The following PYHIN1 variants were observed in gnomAD, a reference collection of about 807,000 sequenced individuals.
PYHIN1 encodes pyrin and HIN domain-containing protein 1.
A neutral mutation model predicts 43.7 loss-of-function variants in PYHIN1; 32 were observed. The observed-to-expected ratio is 0.73, with a 90% CI of 0.55 to 0.98. The LOEUF (loss-of-function observed/expected upper bound fraction) is 0.98. Among genes scored for constraint, PYHIN1 ranks in the 50% least tolerant of loss-of-function variants. The pLI is 0.00. For missense variants in PYHIN1, 588 were observed against 589.5 expected (o/e 1.00, Z 0.03); for synonymous variants, 205 against 203.1 (o/e 1.01, Z -0.08).
At chr1:158,980,025 C>G (rs1230811977), downstream of PYHIN1, among the ~76,000 whole-genome samples, 2 of 152,072 alleles carry the variant, frequency 1.3e-5, no homozygotes, top group African/African-American at 4.8e-5. Flanking sequence ...TCAGATAATG[C>G]CTTGCAGCTG....
intron 7 of PYHIN1, among the ~76,000 whole-genome samples, chr1:158,969,965 A>G (rs1161305756): frequency 6.6e-6 from 1 of 151,954 alleles, no homozygotes; most frequent in Non-Finnish European, 1.5e-5. Flanking sequence ...TTGTCTCACC[A>G]CTCAATCTAT....
chr1:158,936,812 A>C (rs1648570633), intron 1 of PYHIN1, 79 bp from the exon 2 acceptor site: 1 of 915,688 alleles, frequency 1.1e-6, no homozygotes. Context: ...CTTATGGGCC[A>C]CTTATTCACA....
chr1:158,974,711 T>C (rs1411069147), intron 8 of PYHIN1, among the ~76,000 whole-genome samples: 1 of 152,062 alleles, frequency 6.6e-6, no homozygotes, highest in Non-Finnish European at 1.5e-5. Flanking sequence ...GGTTTGTTTA[T>C]GTTTTTGTTG....
chr1:158,950,208 A>G (rs1234835463), intron 7 of PYHIN1, among the ~76,000 whole-genome samples: 1 of 152,206 alleles, frequency 6.6e-6, no homozygotes, highest in East Asian at 1.9e-4. Flanking sequence ...ACAAAGCGAG[A>G]GCATAAAAAA....
At chr1:158,966,204 T>A (rs1264707148) in intron 7 of PYHIN1, among the ~76,000 whole-genome samples, 1 of 152,062 alleles carries the variant, frequency 6.6e-6, no homozygotes, top group African/African-American at 2.4e-5. Context: ...AATAGACCAA[T>A]AACAAGTTCT....
At position 158,976,739 on chromosome 1, in the gene PYHIN1, T is replaced by C; in HGVS notation, c.*44T>C. On this transcript the variant is annotated 3_prime_UTR_variant, in exon 9 of 9. Coordinates refer to ENST00000368140, the MANE Select transcript of PYHIN1 (RefSeq NM_152501.5). ...AGGATATCAAATAACTACTGTTCAA[T>C]CTTTACTCAAGTGTGGAAATTTTGC... 4 of 1,602,490 alleles carry C rather than the reference T, an allele frequency of 2.5e-6. No homozygotes were observed. Among genetic ancestry groups the C allele is most frequent in the South Asian group, 1.1e-5 (1 of 88,642 alleles).
At chr1:158,937,971 A>C (rs1214321778) in intron 2 of PYHIN1, among the ~76,000 whole-genome samples, 1 of 151,938 alleles carries the variant, frequency 6.6e-6, no homozygotes, top group Non-Finnish European at 1.5e-5. Context: ...AAAAAAAGTC[A>C]AAACTCACCA....
chr1:158,957,387 G>T (rs935496665), intron 7 of PYHIN1, among the ~76,000 whole-genome samples: 1 of 152,138 alleles, frequency 6.6e-6, no homozygotes, highest in African/African-American at 2.4e-5. Flanking sequence ...AAACAACATG[G>T]TACTGTTACC....
At chr1:158,935,213 G>A (rs907036755) in intron 1 of PYHIN1, among the ~76,000 whole-genome samples, 4 of 150,252 alleles carry the variant, frequency 2.7e-5, no homozygotes, top group African/African-American at 9.8e-5. Flanking sequence ...GCAATGAGAA[G>A]AGAATTAGCA....
At chr1:158,982,670 T>C in the PYHIN1 span, among the ~76,000 whole-genome samples, 488 of 152,336 alleles carry the variant, frequency 3.2e-3, 3 homozygotes, top group South Asian at 0.033. Flanking sequence ...TTTCTAATTC[T>C]GTGAAAAATG....
intron 2 of PYHIN1, among the ~76,000 whole-genome samples, 180 bp from the exon 3 acceptor site, chr1:158,938,217 G>T (rs1648680495): frequency 1.3e-5 from 2 of 152,210 alleles, no homozygotes; most frequent in African/African-American, 4.8e-5. Context: ...GTGAGTCAGT[G>T]TTTGTGCCTT....
At chr1:158,971,885 T>A (rs1175718488) in intron 7 of PYHIN1, among the ~76,000 whole-genome samples, 1 of 151,902 alleles carries the variant, frequency 6.6e-6, no homozygotes, top group Non-Finnish European at 1.5e-5. Context: ...CATTTGTGAA[T>A]GTGCAGGTGA....
chr1:158,937,581 T>C (rs1032874637), intron 2 of PYHIN1, among the ~76,000 whole-genome samples: 1 of 152,202 alleles, frequency 6.6e-6, no homozygotes, highest in Non-Finnish European at 1.5e-5. Flanking sequence ...AAGATAACAA[T>C]ACTTAAATGT....
At chr1:158,980,444 G>A (rs935027723), downstream of PYHIN1, among the ~76,000 whole-genome samples, 1 of 152,124 alleles carries the variant, frequency 6.6e-6, no homozygotes, top group East Asian at 1.9e-4. Context: ...ATAAATGGAT[G>A]TGCAAGTAGG....
chr1:158,951,812 T>C (rs1649545890), intron 7 of PYHIN1, among the ~76,000 whole-genome samples: 1 of 152,238 alleles, frequency 6.6e-6, no homozygotes, highest in Admixed American at 6.5e-5. Context: ...AACTAACTCA[T>C]GGGCCTTTTG....
chr1:158,966,602 C>A (rs1203996830), intron 7 of PYHIN1, among the ~76,000 whole-genome samples: 1 of 151,764 alleles, frequency 6.6e-6, no homozygotes, highest in Non-Finnish European at 1.5e-5. Context: ...ATAAACAGAA[C>A]CAAAAAGCTA....
chr1:158,948,502 C>G (rs1160275674), intron 7 of PYHIN1, among the ~76,000 whole-genome samples: 3 of 152,136 alleles, frequency 2.0e-5, no homozygotes, highest in African/African-American at 7.2e-5. Context: ...AATGCCAGTG[C>G]GTCTTGTTGC....
the PYHIN1 span, among the ~76,000 whole-genome samples, chr1:158,988,698 C>T: frequency 1.3e-5 from 2 of 152,028 alleles, no homozygotes; most frequent in African/African-American, 4.8e-5. Flanking sequence ...CTTCTAAGCA[C>T]AATGTTGAAG....
intron 4 of PYHIN1, chr1:158,939,486 G>T: frequency 1.3e-6 from 2 of 1,550,970 alleles, no homozygotes; most frequent in South Asian, 1.2e-5. Flanking sequence ...GAGAACTGCG[G>T]AATCTGGAAC....
Sources: gnomAD v4.1 joint callset for allele counts (sites outside exome capture counted in the v4.1 genomes callset) on GRCh38, gnomAD v4.1.1 for gene constraint, MANE v1.5 for transcripts, NCBI Gene and HGNC (gene_info 2026-07-23, HGNC 2026-07-21) for gene names.